The following SYCE3 variants were observed in gnomAD, a reference collection of about 807,000 sequenced individuals.
SYCE3 encodes testis highly expressed gene 2 protein.
Under a neutral mutation model 8.1 loss-of-function variants are expected in SYCE3, and 3 were observed. The ratio of observed to expected loss-of-function variants is 0.37; its 90% CI spans 0.17 to 0.96. The LOEUF (loss-of-function observed/expected upper bound fraction) is 0.96, where lower values mean the gene tolerates loss of function less well. Ranked by LOEUF, SYCE3 falls within the 40% of genes least tolerant of loss-of-function variation. The pLI is 0.41. For missense variants in SYCE3, 83 were observed against 110.0 expected (o/e 0.75, Z 1.10); for synonymous variants, 36 against 38.7 (o/e 0.93, Z 0.26).
At chr22:50,555,983 C>CGAG (rs2069856634) in intron 2 of SYCE3, among the ~76,000 whole-genome samples, 1 of 151,924 alleles carries the variant, frequency 6.6e-6, no homozygotes, top group South Asian at 2.1e-4. Context: ...TTAGTAGAGA[C>CGAG]GAGGTTTTAC....
chr22:50,552,377 G>A (rs1603442706), intron 2 of SYCE3, among the ~76,000 whole-genome samples: 1 of 152,214 alleles, frequency 6.6e-6, no homozygotes, highest in Non-Finnish European at 1.5e-5. Context: ...TCTCGGCCGG[G>A]TGCGGTGGCT....
chr22:50,552,401 C>T (rs1055287969), intron 2 of SYCE3, among the ~76,000 whole-genome samples: 13 of 152,102 alleles, frequency 8.5e-5, no homozygotes, highest in Non-Finnish European at 1.5e-5. Context: ...GCCTGTAATC[C>T]CAGCACTTTG....
intron 1 of SYCE3, among the ~76,000 whole-genome samples, chr22:50,560,152 GTATTT>G (rs1337149190): frequency 5.9e-5 from 9 of 152,264 alleles, no homozygotes; most frequent in Non-Finnish European, 8.8e-5. Flanking sequence ...AGTCACAGGG[GTATTT>G]TATTTTAAGT....
chr22:50,554,889 G>A (rs1363784553), intron 2 of SYCE3, among the ~76,000 whole-genome samples: 4 of 151,466 alleles, frequency 2.6e-5, no homozygotes, highest in East Asian at 2.0e-4. Flanking sequence ...TTGGGAGGCC[G>A]AGACGGGCGG....
chr22:50,555,793 CT>C (rs35962439), intron 2 of SYCE3, among the ~76,000 whole-genome samples: 45,184 of 124,112 alleles, frequency 0.36, 6,208 homozygotes, highest in East Asian at 0.52. Flanking sequence ...CAATGTACAT[CT>C]TTTTTTTTTT....
At chr22:50,556,596 G>A (rs976089619) in intron 1 of SYCE3, among the ~76,000 whole-genome samples, 191 bp from the exon 2 acceptor site, 2 of 152,154 alleles carry the variant, frequency 1.3e-5, no homozygotes, top group Non-Finnish European at 1.5e-5. Flanking sequence ...CATAGCATTC[G>A]GCACATATAA....
chr22:50,555,683 A>AC (rs2069853216), intron 2 of SYCE3, among the ~76,000 whole-genome samples: 1 of 152,032 alleles, frequency 6.6e-6, no homozygotes, highest in Non-Finnish European at 1.5e-5. Context: ...AGGTCTTTAG[A>AC]CCATAACTCT....
At chr22:50,557,589 G>A (rs201823968) in intron 1 of SYCE3, among the ~76,000 whole-genome samples, 31 of 152,142 alleles carry the variant, frequency 2.0e-4, no homozygotes, top group East Asian at 1.5e-3. Context: ...AATCATATCC[G>A]TTGTTATTTA....
In SYCE3 at chr22:50,552,235, G is replaced by A. The variant is rs150962635; in HGVS notation, c.110-833C>T. Among the ~76,000 whole-genome samples, 594 of 152,252 alleles carry A rather than the reference G, an allele frequency of 3.9e-3. 2 individuals are homozygous for A. The highest frequency in any genetic ancestry group is 6.9e-3 in the Non-Finnish European group (469 of 68,024). ...GGAATCCTCACAAGCATCCCAGATC[G>A]TTCCGGTGCAGGGAGGCCGCAGACT... On this transcript the variant is annotated intron_variant, in intron 2 of 2. Coordinates refer to ENST00000406915, the MANE Select transcript of SYCE3 (RefSeq NM_001123225.3).
intron 1 of SYCE3, among the ~76,000 whole-genome samples, chr22:50,558,437 A>T (rs995273125): frequency 3.9e-5 from 6 of 152,046 alleles, no homozygotes; most frequent in African/African-American, 1.4e-4. Flanking sequence ...ATCTCAAAAA[A>T]AAAAAAGAAA....
At chr22:50,554,194 C>CAGAAA (rs531615519) in intron 2 of SYCE3, among the ~76,000 whole-genome samples, 1 of 108,622 alleles carries the variant, frequency 9.2e-6, no homozygotes, top group South Asian at 2.8e-4. Context: ...GACTCTGTCT[C>CAGAAA]AAAAAAAAAA....
chr22:50,558,149 C>T (rs922281556), intron 1 of SYCE3, among the ~76,000 whole-genome samples: 12 of 152,264 alleles, frequency 7.9e-5, no homozygotes, highest in Admixed American at 3.3e-4. Context: ...CGTGGCCAAG[C>T]GCGGAGGCTC....
chr22:50,556,543 G>T, intron 1 of SYCE3, 138 bp from the exon 2 acceptor site: 1 of 624,876 alleles, frequency 1.6e-6, no homozygotes, highest in Non-Finnish European at 2.8e-6. Flanking sequence ...TACTCCACAG[G>T]GCTGTTGTGA....
intron 1 of SYCE3, among the ~76,000 whole-genome samples, chr22:50,557,157 G>GTT (rs60714079): frequency 1.8e-3 from 253 of 137,980 alleles, no homozygotes; most frequent in Middle Eastern, 7.6e-3. Flanking sequence ...ATTTTTTTGA[G>GTT]TTTTTTTTTT....
chr22:50,551,545 C>G (rs2069809618), intron 2 of SYCE3, 143 bp from the exon 3 acceptor site: 2 of 837,822 alleles, frequency 2.4e-6, no homozygotes, highest in South Asian at 1.9e-5. Flanking sequence ...TAGGGAGAGA[C>G]AGCTGGTAGG....
At chr22:50,558,196 G>A (rs926687921) in intron 1 of SYCE3, among the ~76,000 whole-genome samples, 3 of 152,166 alleles carry the variant, frequency 2.0e-5, no homozygotes, top group African/African-American at 7.2e-5. Context: ...GGCCGAGGTG[G>A]GTGGATCACC....
chr22:50,558,787 C>T (rs2069885739), intron 1 of SYCE3, among the ~76,000 whole-genome samples: 2 of 152,150 alleles, frequency 1.3e-5, no homozygotes, highest in South Asian at 2.1e-4. Flanking sequence ...GCTATTCCCT[C>T]TCCTTCCTTT....
chr22:50,562,025 G>A (rs1187600284), intron 1 of SYCE3, among the ~76,000 whole-genome samples: 1 of 111,748 alleles, frequency 8.9e-6, no homozygotes, highest in South Asian at 3.5e-4. Flanking sequence ...AGGACATGGA[G>A]ATTAGGTTAA....
chr22:50,556,192 G>T (rs968706644), intron 2 of SYCE3, 105 bp downstream of exon 2: 7 of 742,550 alleles, frequency 9.4e-6, no homozygotes, highest in Admixed American at 2.5e-5. Context: ...TATGTCCTGA[G>T]GACCTCCTGA....
Sources: gnomAD v4.1 joint callset for allele counts (sites outside exome capture counted in the v4.1 genomes callset) on GRCh38, gnomAD v4.1.1 for gene constraint, MANE v1.5 for transcripts, NCBI Gene and HGNC (gene_info 2026-07-23, HGNC 2026-07-21) for gene names.